Variants in LYSMD3 observed in about 807,000 individuals in gnomAD.
LYSMD3 encodes lysM and putative peptidoglycan-binding domain-containing protein 3.
LYSMD3 carries 13 observed loss-of-function variants against 26.1 expected under a neutral mutation model. That is an observed-to-expected ratio of 0.50 (90% CI 0.32 to 0.79). LYSMD3 has a LOEUF of 0.79. Among genes scored for constraint, LYSMD3 ranks in the 30% least tolerant of loss-of-function variants. The pLI is 0.03. For missense variants in LYSMD3, 331 were observed against 362.5 expected (o/e 0.91, Z 0.71); for synonymous variants, 109 against 119.4 (o/e 0.91, Z 0.57).
chr5:90,518,974 A>G lies in LYSMD3; in HGVS notation c.766T>C (p.Ser256Pro). 1.2e-6 allele frequency: 2 copies of G among 1,614,002 alleles called. No homozygotes were observed. Among genetic ancestry groups the G allele is most frequent in the African/African-American group, 1.3e-5 (1 of 75,000 alleles). Reference protein sequence around the residue: ...VDVSHHSTVDSSHLHSKITPP... With the variant: ...VDVSHHSTVDPSHLHSKITPP... ...GTGATTTTTGAATGTAAATGTGAAG[A>G]GTCCACTGTTGAATGATGACTAACA... Residue 256 changes from serine (S) to proline (P), a missense_variant, in exon 3 of 3, where the codon TCT (serine) becomes CCT (proline). Physicochemically the swap from Ser to Pro is moderately conservative, Grantham distance 74 (BLOSUM62 -1). Around this residue, in one of 3 missense-constraint regions of LYSMD3, gnomAD observed 61 missense variants for 66.8 expected, o/e 0.91. Coordinates refer to ENST00000315948, the MANE Select transcript of LYSMD3 (RefSeq NM_198273.2).
rs1397681280 is a variant in LYSMD3 at position 90,525,067 on chromosome 5, A to T, written c.223T>A (p.Leu75Ile). ...CAGTACTGAAGGGCTATTGCATTTA[A>T]TGTATCTCCTTCTTGTATATCTTTT... ...LTKDIQEGDT[L>I]NAIALQYCCT... The change falls in exon 2 of 3, where the codon TTA becomes ATA. Residue 75 changes from leucine to isoleucine, a missense_variant. By Grantham distance (5) the Leu-to-Ile change is conservative (BLOSUM62 2). Around this residue, in one of 3 missense-constraint regions of LYSMD3, gnomAD observed 262 missense variants for 267.3 expected, o/e 0.98. Coordinates refer to ENST00000315948, the MANE Select transcript of LYSMD3 (RefSeq NM_198273.2). 1 of 1,611,472 alleles carries T rather than the reference A, an allele frequency of 6.2e-7. No homozygotes were observed. Among genetic ancestry groups the T allele is most frequent in the African/African-American group, 1.3e-5 (1 of 74,862 alleles).
In LYSMD3 at chr5:90,519,137, T is replaced by C. The variant is rs770169023; in HGVS notation, c.603A>G (p.Lys201=). The change falls in exon 3 of 3, where the codon AAA becomes AAG. Residue 201 remains lysine (K), a synonymous_variant. Transcript: ENST00000315948. ...AATAGGGGTCTTTACGTTGAGTGTT[T>C]TTGTTATCAGGTTCAAAACGCATTT... ...AQQMRFEPDN[K]NTQRKDPYYG... 1.2e-6 allele frequency: 2 copies of C among 1,614,140 alleles called. No homozygotes were observed. Among genetic ancestry groups the C allele is most frequent in the Non-Finnish European group, 1.7e-6 (2 of 1,180,002 alleles).
chr5:90,528,502 T>C (rs979676828), intron 1 of LYSMD3, among the ~76,000 whole-genome samples: 1 of 152,200 alleles, frequency 6.6e-6, no homozygotes, highest in African/African-American at 2.4e-5. Context: ...TTCACCTGTC[T>C]CACTATCTCT....
At position 90,525,188 on chromosome 5, in the gene LYSMD3, C is replaced by A. The variant is rs762007627; in HGVS notation, c.102G>T (p.Glu34Asp). Residue 34 changes from glutamate (E) to aspartate (D), a missense_variant, in exon 2 of 3, where the codon GAG (glutamate) becomes GAT (aspartate). By Grantham distance (45) the Glu-to-Asp change is conservative (BLOSUM62 2). Around this residue, in one of 3 missense-constraint regions of LYSMD3, gnomAD observed 262 missense variants for 267.3 expected, o/e 0.98. Transcript: ENST00000315948. ...GAAGTTCATACACTTCAGCATCCTC[C>A]TCCAAAATATCACTGTCTGAACAAT... Reference protein sequence around the residue: ...FGNCSDSDILEEDAEVYELRS... With the variant: ...FGNCSDSDILDEDAEVYELRS... The A allele has an allele frequency of 6.2e-7, 1 of 1,613,962 alleles. No homozygotes were observed. Among genetic ancestry groups the A allele is most frequent in the East Asian group, 2.2e-5 (1 of 44,864 alleles).
chr5:90,520,906 G>A (rs1400631423), intron 2 of LYSMD3, among the ~76,000 whole-genome samples: 2 of 150,756 alleles, frequency 1.3e-5, no homozygotes, highest in South Asian at 2.1e-4. Context: ...GCAACAGAGC[G>A]AGACTCCATC....
chr5:90,524,354 G>C, intron 2 of LYSMD3, among the ~76,000 whole-genome samples: 1 of 152,012 alleles, frequency 6.6e-6, no homozygotes, highest in Non-Finnish European at 1.5e-5. Flanking sequence ...ATACTTATGA[G>C]CACAAAAAAA....
chr5:90,520,561 T>C lies in LYSMD3; in HGVS notation c.256-1077A>G, dbSNP rs1753066498. 1.1e-5 allele frequency: 5 copies of C among 452,598 alleles called. No homozygotes were observed. The Admixed American group carries it at 1.2e-4, about 11-fold the overall frequency. The allele number at this position is 452,598 out of a possible 1,614,324, so 28.0% of individuals were successfully genotyped here. A position where few individuals can be genotyped will look rare whatever the true frequency, so the allele number is the denominator to read the frequency against. On this transcript the variant is annotated intron_variant, in intron 2 of 2. Transcript: ENST00000315948. ...AAGATGTTCAGGACAGAGTTGTAGATATATGTCTGAAACTCAAGAACGATC... is the reference window on the plus strand; with the variant it reads ...AAGATGTTCAGGACAGAGTTGTAGACATATGTCTGAAACTCAAGAACGATC...
intron 2 of LYSMD3, among the ~76,000 whole-genome samples, chr5:90,522,116 G>A (rs1270197955): frequency 1.3e-5 from 2 of 152,072 alleles, no homozygotes; most frequent in African/African-American, 4.8e-5. Context: ...GGATCATGGA[G>A]GTAGATTTCC....
rs1347274033 is a variant in LYSMD3 at position 90,519,342 on chromosome 5, G to A, written c.398C>T (p.Ser133Leu). The A allele has an allele frequency of 2.5e-6, 4 of 1,613,946 alleles. No homozygotes were observed. Among genetic ancestry groups the A allele is most frequent in the Non-Finnish European group, 3.4e-6 (4 of 1,179,984 alleles). ...TTGTTCGGAAGAGTATTGAACAGATGAATGACGTGAAGTCTGTCTTCCTTT... is the reference window on the plus strand; with the variant it reads ...TTGTTCGGAAGAGTATTGAACAGATAAATGACGTGAAGTCTGTCTTCCTTT... ...PPKGRQTSRH[S>L]SVQYSSEQQE... Residue 133 changes from serine to leucine, a missense_variant, in exon 3 of 3, where the codon TCA (serine) becomes TTA (leucine). Coordinates refer to ENST00000315948, the MANE Select transcript of LYSMD3 (RefSeq NM_198273.2).
At chr5:90,525,741 C>T (rs1441524137) in intron 1 of LYSMD3, among the ~76,000 whole-genome samples, 1 of 152,128 alleles carries the variant, frequency 6.6e-6, no homozygotes, top group African/African-American at 2.4e-5. Context: ...TGAGCCACTG[C>T]GCCTGGCCTA....
Position 90,517,631 on chromosome 5 carries a change from G to A in LYSMD3, c.*1188C>T, listed in dbSNP as rs1314711881. The A allele has an allele frequency of 6.6e-6, 1 of 151,906 alleles. No individual in the cohort carries two copies. The highest frequency in any genetic ancestry group is 1.5e-5 in the Non-Finnish European group (1 of 67,902). 9.4% of individuals were successfully genotyped at this position (151,906 alleles called of 1,614,324 possible). Reference sequence around the variant, plus strand: ...ACCTTTGGCCTTTGTTTCCCAATTTGATGCTATATATAGAGATCAGGAAAA... The same window carrying A: ...ACCTTTGGCCTTTGTTTCCCAATTTAATGCTATATATAGAGATCAGGAAAA... On this transcript the variant is annotated 3_prime_UTR_variant, in exon 3 of 3. Coordinates refer to ENST00000315948, the MANE Select transcript of LYSMD3 (RefSeq NM_198273.2).
At position 90,517,992 on chromosome 5, in the gene LYSMD3, T is replaced by C. The variant is rs1368454894; in HGVS notation, c.*827A>G. ...AACAGCAATGATTTATCACAGTATA[T>C]AAGGAATTATTTCCTAAATAATGGT... is the stretch of plus-strand genomic sequence containing the variant. On this transcript the variant is annotated 3_prime_UTR_variant, in exon 3 of 3. Transcript: ENST00000315948. The C allele has an allele frequency of 6.6e-6, 1 of 152,538 alleles. No homozygotes were observed. Among genetic ancestry groups the C allele is most frequent in the African/African-American group, 2.4e-5 (1 of 41,436 alleles). 9.4% of individuals were successfully genotyped at this position (152,538 alleles called of 1,614,324 possible). A position where few individuals can be genotyped will look rare whatever the true frequency, so the allele number is the denominator to read the frequency against.
At position 90,516,089 on chromosome 5, in the gene LYSMD3, A is replaced by ATAAC. The variant is rs1300401873; in HGVS notation, c.*2726_*2729dup. On this transcript the variant is annotated 3_prime_UTR_variant, in exon 3 of 3. Coordinates refer to ENST00000315948, the MANE Select transcript of LYSMD3 (RefSeq NM_198273.2). Reference sequence around the variant, plus strand: ...AATTACTAAGTAGTGGTTCATTTAAATAACTCTTCAGGACACTGAACCAAG... The same window carrying ATAAC: ...AATTACTAAGTAGTGGTTCATTTAAATAACTAACTCTTCAGGACACTGAACCAAG... 3 of 152,158 alleles carry ATAAC rather than the reference A, an allele frequency of 2.0e-5. No homozygotes were observed. The highest frequency in any genetic ancestry group is 7.2e-5 in the African/African-American group (3 of 41,444). The allele number at this position is 152,158 out of a possible 1,614,324, so 9.4% of individuals were successfully genotyped here. A position where few individuals can be genotyped will look rare whatever the true frequency, so the allele number is the denominator to read the frequency against.
At chr5:90,522,113 G>A (rs567100053) in intron 2 of LYSMD3, among the ~76,000 whole-genome samples, 1 of 152,116 alleles carries the variant, frequency 6.6e-6, no homozygotes, top group Non-Finnish European at 1.5e-5. Context: ...ATTGGATCAT[G>A]GAGGTAGATT....
intron 2 of LYSMD3, chr5:90,520,523 G>A (rs1458808674): frequency 6.6e-6 from 3 of 456,082 alleles, no homozygotes; most frequent in Non-Finnish European, 1.3e-5. Context: ...AGCTGCTTGA[G>A]ATACAGAAGT....
At chr5:90,520,854 G>C (rs1753072591) in intron 2 of LYSMD3, among the ~76,000 whole-genome samples, 1 of 152,026 alleles carries the variant, frequency 6.6e-6, no homozygotes, top group Non-Finnish European at 1.5e-5. Flanking sequence ...GGGAGGTGGT[G>C]GTTACAGTGA....
intron 1 of LYSMD3, among the ~76,000 whole-genome samples, chr5:90,528,018 G>T (rs1753268596): frequency 6.6e-6 from 1 of 152,176 alleles, no homozygotes; most frequent in South Asian, 2.1e-4. Flanking sequence ...TAACTTGACA[G>T]CTATGAAACT....
At position 90,518,723 on chromosome 5, in the gene LYSMD3, C is replaced by G; in HGVS notation, c.*96G>C. On this transcript the variant is annotated 3_prime_UTR_variant, in exon 3 of 3. Coordinates refer to ENST00000315948, the MANE Select transcript of LYSMD3 (RefSeq NM_198273.2). ...TTAAAAACAAAAGCATCCTCAATCT[C>G]TCTAAATTCTGCCTTTGAAGCTATT... is the stretch of plus-strand genomic sequence containing the variant. 6 of 1,251,638 alleles carry G rather than the reference C, an allele frequency of 4.8e-6. No homozygotes were observed. Among genetic ancestry groups the G allele is most frequent in the Non-Finnish European group, 6.7e-6 (6 of 901,956 alleles). The allele number at this position is 1,251,638 out of a possible 1,614,324, so 77.5% of individuals were successfully genotyped here.
Position 90,519,184 on chromosome 5 carries a change from C to T in LYSMD3, c.556G>A (p.Val186Ile). Residue 186 changes from valine to isoleucine, a missense_variant, in exon 3 of 3, where the codon GTA (valine) becomes ATA (isoleucine). Transcript: ENST00000315948. The part of the protein sequence containing the change: ...DNKRENLNEV[V>I]SALTAQQMRF... ...ATTTGTTGTGCTGTTAAGGCCGATA[C>T]TACCTCATTGAGGTTCTCTCTCTTA... The T allele has an allele frequency of 1.9e-6, 3 of 1,614,016 alleles. No individual in the cohort carries two copies. The highest frequency in any genetic ancestry group is 2.5e-6 in the Non-Finnish European group (3 of 1,179,970).
Sources: gnomAD v4.1 joint callset for allele counts (sites outside exome capture counted in the v4.1 genomes callset) on GRCh38, gnomAD v4.1.1 for gene constraint, gnomAD v4.1.1 regional missense constraint, MANE v1.5 for transcripts, NCBI Gene and HGNC (gene_info 2026-07-23, HGNC 2026-07-21) for gene names.